KDM6A: variants seen among roughly 807,000 people sequenced by gnomAD.
KDM6A encodes the protein lysine-specific demethylase 6A.
A neutral mutation model predicts 117.6 loss-of-function variants in KDM6A; 11 were observed. That is an observed-to-expected ratio of 0.09 (90% CI 0.06 to 0.15). The LOEUF (loss-of-function observed/expected upper bound fraction) is 0.15. KDM6A is among the 10% of genes least tolerant of loss of function. The pLI is 1.00. For synonymous variants in KDM6A, 384 were observed against 396.1 expected, an observed-to-expected ratio of 0.97 and a Z score of 0.36; for missense variants, 799 against 1,077.3, an observed-to-expected ratio of 0.74 and a Z score of 3.62.
chrX:44,918,489 C>T (rs761210989), intron 2 of KDM6A, among the ~76,000 whole-genome samples: 25 of 110,968 alleles, frequency 2.3e-4, no homozygotes, highest in Non-Finnish European at 4.0e-4. Flanking sequence ...CATTGCTTGT[C>T]AGTATTTTGA....
At chrX:44,945,749 T>A (rs1249080958) in intron 2 of KDM6A, among the ~76,000 whole-genome samples, 1 of 111,985 alleles carries the variant, frequency 8.9e-6, no homozygotes, top group East Asian at 2.8e-4. Flanking sequence ...AAATTCAGAT[T>A]TTTGGCAAAA....
intron 19 of KDM6A, 126 bp downstream of exon 19, chrX:45,076,952 T>G (rs981706399): frequency 3.4e-5 from 17 of 505,743 alleles, no homozygotes; most frequent in African/African-American, 1.0e-4. Context: ...ATTAAATAGT[T>G]TGGGGGCGGG....
At chrX:44,903,148 G>A (rs1443686538) in intron 2 of KDM6A, among the ~76,000 whole-genome samples, 1 of 111,809 alleles carries the variant, frequency 8.9e-6, no homozygotes, top group Non-Finnish European at 1.9e-5. Flanking sequence ...CTTTCAACCT[G>A]GATGACTGCC....
intron 2 of KDM6A, among the ~76,000 whole-genome samples, chrX:44,915,968 G>T (rs1399716114): frequency 4.5e-5 from 5 of 111,558 alleles, no homozygotes; most frequent in African/African-American, 1.6e-4. Flanking sequence ...GAAGAACGGT[G>T]AGTACAGTGC....
rs796121677 is a variant in KDM6A, at chrX:44,932,084, CTTTTTTTTTTTTTTT to C, written c.226-29186_226-29172del. Among the ~76,000 whole-genome samples the C allele has an allele frequency of 7.6e-4, 13 of 17,074 alleles. 1 individual carries two copies. Among genetic ancestry groups the C allele is most frequent in the African/African-American group, 2.5e-3 (11 of 4,412 alleles). 14.8% of individuals were successfully genotyped at this position (17,074 alleles called of 115,157 possible). A position where few individuals can be genotyped will look rare whatever the true frequency, so the allele number is the denominator to read the frequency against. ...GCTGGTCCTGATTGCTCTAGGTAGC[CTTTTTTTTTTTTTTT>C]TTTTTTTTTTTTTAAGATGGAGTCT... On this transcript the variant is annotated intron_variant, in intron 2 of 29. Coordinates refer to ENST00000611820, the MANE Select transcript of KDM6A (RefSeq NM_001291415.2).
intron 2 of KDM6A, among the ~76,000 whole-genome samples, chrX:44,935,098 A>G (rs1051031776): frequency 1.8e-5 from 2 of 111,288 alleles, no homozygotes; most frequent in African/African-American, 6.6e-5. Flanking sequence ...TTCTGGGATT[A>G]TGCACAATCC....
intron 18 of KDM6A, among the ~76,000 whole-genome samples, chrX:45,074,094 A>G (rs893484550): frequency 8.9e-6 from 1 of 111,836 alleles, no homozygotes; most frequent in African/African-American, 3.3e-5. Context: ...TCTACATATG[A>G]CCAGCCAGTT....
At chrX:45,062,926 A>G (rs1419002574) in intron 16 of KDM6A, among the ~76,000 whole-genome samples, 178 bp downstream of exon 16, 1 of 112,330 alleles carries the variant, frequency 8.9e-6, no homozygotes, top group Non-Finnish European at 1.9e-5. Context: ...GACAAAAGCA[A>G]CTATAATTTT....
At chrX:44,943,724 A>G in intron 2 of KDM6A, among the ~76,000 whole-genome samples, 1 of 111,844 alleles carries the variant, frequency 8.9e-6, no homozygotes. Flanking sequence ...TCCAATTTTC[A>G]CTGATTATGA....
intron 27 of KDM6A, among the ~76,000 whole-genome samples, chrX:45,106,331 A>G (rs764574404): frequency 4.7e-4 from 52 of 111,811 alleles, no homozygotes; most frequent in African/African-American, 1.7e-3. Context: ...ATACTTTAAC[A>G]TAGTAACGTA....
At chrX:44,928,611 T>C (rs1349412111) in intron 2 of KDM6A, among the ~76,000 whole-genome samples, 2 of 111,913 alleles carry the variant, frequency 1.8e-5, no homozygotes, top group Non-Finnish European at 3.8e-5. Flanking sequence ...CGCAAACACA[T>C]GCAGAAGCAC....
At chrX:45,048,131 G>A (rs1190063774) in intron 8 of KDM6A, among the ~76,000 whole-genome samples, 1 of 92,692 alleles carries the variant, frequency 1.1e-5, no homozygotes, top group African/African-American at 4.3e-5. Flanking sequence ...CTGCACTCCA[G>A]CCTGGGCGAC....
chrX:44,975,389 T>G (rs1469258311), intron 4 of KDM6A, among the ~76,000 whole-genome samples: 1 of 110,816 alleles, frequency 9.0e-6, no homozygotes, highest in Non-Finnish European at 1.9e-5. Context: ...CTTTTTGAAG[T>G]AGGTACTTAT....
chrX:45,039,350 A>G (rs1033381082), intron 8 of KDM6A, among the ~76,000 whole-genome samples: 3 of 110,001 alleles, frequency 2.7e-5, no homozygotes, highest in Non-Finnish European at 5.7e-5. Flanking sequence ...TTTGCCGGAG[A>G]TGGAATTCTG....
chrX:45,101,868 G>A (rs143823756), intron 27 of KDM6A, among the ~76,000 whole-genome samples: 314 of 111,125 alleles, frequency 2.8e-3, no homozygotes, highest in African/African-American at 9.8e-3. Flanking sequence ...TAACTGCCAG[G>A]CACAAGTCTA....
intron 18 of KDM6A, among the ~76,000 whole-genome samples, chrX:45,072,312 T>G (rs1004818810): frequency 1.8e-5 from 2 of 111,659 alleles, no homozygotes; most frequent in Non-Finnish European, 3.8e-5. Flanking sequence ...TTTTTTAAGG[T>G]CAGTAACTTA....
chrX:44,935,823 G>A (rs1306638309), intron 2 of KDM6A, among the ~76,000 whole-genome samples: 1 of 111,815 alleles, frequency 8.9e-6, no homozygotes, highest in Admixed American at 9.5e-5. Context: ...GTCGCGCTTG[G>A]CATCATATTG....
chrX:44,969,503 T>C (rs6520992), intron 3 of KDM6A, among the ~76,000 whole-genome samples: 21,326 of 99,245 alleles, frequency 0.21, 4,207 homozygotes, highest in African/African-American at 0.6. Context: ...CTGCAAGCTC[T>C]GCCTCCCGGG....
chrX:44,949,156 C>A (rs1231174518), intron 2 of KDM6A, among the ~76,000 whole-genome samples: 2 of 111,246 alleles, frequency 1.8e-5, no homozygotes, highest in Non-Finnish European at 3.8e-5. Flanking sequence ...TTTGGGAGGC[C>A]GAGGCAGGTA....
Sources: gnomAD v4.1 joint callset for allele counts (sites outside exome capture counted in the v4.1 genomes callset) on GRCh38, gnomAD v4.1.1 for gene constraint, MANE v1.5 for transcripts, NCBI Gene and HGNC (gene_info 2026-07-23, HGNC 2026-07-21) for gene names.